Variants in FRAS1 observed in about 807,000 individuals in gnomAD.
The protein encoded by FRAS1 is Fraser extracellular matrix complex subunit 1.
FRAS1 carries 290 observed loss-of-function variants against 435.2 expected under a neutral mutation model. The ratio of observed to expected loss-of-function variants is 0.67; its 90% CI spans 0.61 to 0.73. The LOEUF is 0.73. FRAS1 is among the 30% of genes least tolerant of loss of function. FRAS1 has a pLI of 0.00. For missense variants in FRAS1, 4,860 were observed against 5,001.5 expected (o/e 0.97, Z 0.85); for synonymous variants, 1,800 against 1,851.0 (o/e 0.97, Z 0.71).
intron 61 of FRAS1, among the ~76,000 whole-genome samples, chr4:78,505,965 G>A (rs185901068): frequency 1.8e-3 from 275 of 152,300 alleles, no homozygotes; most frequent in African/African-American, 6.5e-3. Flanking sequence ...CTGTTTGTTA[G>A]TTTTCCTTCT....
At chr4:78,118,228 C>T (rs1402205266) in intron 2 of FRAS1, among the ~76,000 whole-genome samples, 2 of 152,214 alleles carry the variant, frequency 1.3e-5, no homozygotes, top group African/African-American at 2.4e-5. Context: ...TGTGAGGTGT[C>T]AGTCTGCCCC....
intron 2 of FRAS1, among the ~76,000 whole-genome samples, chr4:78,093,971 C>A (rs72860603): frequency 1.2e-4 from 18 of 152,054 alleles, no homozygotes; most frequent in Admixed American, 5.2e-4. Flanking sequence ...GCTCACCCCC[C>A]TCCCCTTCCC....
rs546764418 is a variant in FRAS1, at chr4:78,413,056, G to C, written c.4396G>C (p.Val1466Leu). The change falls in exon 32 of 74, where the codon GTG becomes CTG. Residue 1466 changes from valine (V) to leucine (L), a missense_variant. Val to Leu is a conservative substitution (Grantham distance 32, BLOSUM62 1). Transcript: ENST00000512123. ...ACCACAGACACCTGAAGCACCTAAA[G>C]TGTCTCTGGAAGCATCTCTCCATAT... ...ILPQTPEAPK[V>L]SLEASLHMTA... 12 of 1,610,652 alleles carry C rather than the reference G, an allele frequency of 7.5e-6. No individual in the cohort carries two copies. The highest frequency in any genetic ancestry group is 1.7e-5 in the Admixed American group (1 of 59,688).
At chr4:78,170,360 A>C (rs1721501987) in intron 2 of FRAS1, among the ~76,000 whole-genome samples, 1 of 152,176 alleles carries the variant, frequency 6.6e-6, no homozygotes, top group Non-Finnish European at 1.5e-5. Context: ...AAGGTTAGCC[A>C]ACAACCGGTA....
chr4:78,191,109 T>G (rs551075278), intron 2 of FRAS1, among the ~76,000 whole-genome samples: 1 of 152,342 alleles, frequency 6.6e-6, no homozygotes, highest in Non-Finnish European at 1.5e-5. Flanking sequence ...AGCTTGCTCT[T>G]GGACTTTTCA....
chr4:78,525,774 G>A (rs980352775), intron 69 of FRAS1, among the ~76,000 whole-genome samples: 3 of 152,174 alleles, frequency 2.0e-5, no homozygotes, highest in Non-Finnish European at 4.4e-5. Context: ...TGACAGGGTT[G>A]GAGCTGCCAC....
intron 2 of FRAS1, among the ~76,000 whole-genome samples, chr4:78,104,396 G>T (rs553498975): frequency 6.6e-6 from 1 of 152,292 alleles, no homozygotes; most frequent in South Asian, 2.1e-4. Context: ...GCAGATGGGT[G>T]GGGAAGAGGG....
intron 2 of FRAS1, among the ~76,000 whole-genome samples, chr4:78,120,677 A>G (rs1027967171): frequency 1.6e-4 from 24 of 152,130 alleles, no homozygotes; most frequent in African/African-American, 5.3e-4. Flanking sequence ...GATTATTTCA[A>G]TGAAGGATTA....
At chr4:78,446,254 C>T in intron 42 of FRAS1, 1 of 1,004,750 alleles carries the variant, frequency 1.0e-6, no homozygotes, top group Non-Finnish European at 1.2e-6. Flanking sequence ...ACCCTCTGCA[C>T]TCTTAAGGGT....
intron 67 of FRAS1, among the ~76,000 whole-genome samples, chr4:78,520,052 C>T (rs919515910): frequency 1.3e-5 from 2 of 152,086 alleles, no homozygotes; most frequent in African/African-American, 2.4e-5. Context: ...TTACTGTCCT[C>T]TTTGGGAGGA....
chr4:78,068,914 T>C (rs1740193709), intron 2 of FRAS1, among the ~76,000 whole-genome samples: 1 of 144,048 alleles, frequency 6.9e-6, no homozygotes, highest in Non-Finnish European at 1.5e-5. Context: ...CCACATGCCC[T>C]AGCGTTAAAG....
rs1382599271 is a variant in FRAS1, at chr4:78,412,836, G to A, written c.4309-133G>A. 4 of 441,680 alleles carry A rather than the reference G, an allele frequency of 9.1e-6. No individual in the cohort carries two copies. The Admixed American group carries it at 1.3e-4, about 14-fold the overall frequency. The allele number at this position is 441,680 out of a possible 1,614,324, so 27.4% of individuals were successfully genotyped here. On this transcript the variant is annotated intron_variant, in intron 31 of 73. Transcript: ENST00000512123. ...AAAAGATCAATATTAAAATATGAAG[G>A]GCAGAATGAGAGTTGTAACGCAGGA...
chr4:78,233,932 T>C (rs1316599263), intron 2 of FRAS1, among the ~76,000 whole-genome samples: 1 of 152,172 alleles, frequency 6.6e-6, no homozygotes, highest in Non-Finnish European at 1.5e-5. Context: ...TGTAAGGGCT[T>C]TGTGTAGCAT....
At chr4:78,185,002 G>A (rs1018572987) in intron 2 of FRAS1, among the ~76,000 whole-genome samples, 2 of 152,174 alleles carry the variant, frequency 1.3e-5, no homozygotes, top group African/African-American at 4.8e-5. Context: ...GCAAACAGAT[G>A]TCATAGGCCT....
chr4:78,507,569 G>A lies in FRAS1; in HGVS notation c.9465G>A (p.Gln3155=). 6.2e-7 allele frequency: 1 copy of A among 1,606,266 alleles called. No homozygotes were observed. Among genetic ancestry groups the A allele is most frequent in the Non-Finnish European group, 8.5e-7 (1 of 1,177,272 alleles). ...VTTATVTILD[Q]EAAGSLILPA... is the part of the protein sequence containing the mutation. ...CTGCCACGGTGACAATTCTAGACCA[G>A]GAGGCAGCAGGGAGCCTCATATTGC... Residue 3155 remains glutamine (Q), a synonymous_variant, in exon 62 of 74, where the codon CAG becomes CAA. Transcript: ENST00000512123.
At position 78,537,179 on chromosome 4, in the gene FRAS1, A is replaced by G. The variant is rs1721911748; in HGVS notation, c.11277A>G (p.Leu3759=). The G allele has an allele frequency of 1.9e-6, 3 of 1,613,858 alleles. No individual in the cohort carries two copies. Among genetic ancestry groups the G allele is most frequent in the African/African-American group, 1.3e-5 (1 of 74,950 alleles). The change falls in exon 72 of 74, where the codon CTA becomes CTG. Residue 3759 remains leucine (L), a synonymous_variant. Coordinates refer to ENST00000512123, the MANE Select transcript of FRAS1 (RefSeq NM_025074.7). ...QYGCIQPNKH[L]KHRFLLLDRN... Reference sequence around the variant, plus strand: ...GATGCATTCAGCCAAACAAACACCTAAAACACAGATTCCTGCTGTTGGTAT... The same window carrying G: ...GATGCATTCAGCCAAACAAACACCTGAAACACAGATTCCTGCTGTTGGTAT...
chr4:78,450,075 G>C, intron 44 of FRAS1, 76 bp from the exon 45 acceptor site: 1 of 1,159,522 alleles, frequency 8.6e-7, no homozygotes. Context: ...TTAGCCTCCA[G>C]TCTCCTAAAA....
At chr4:78,512,804 A>G (rs11939289) in intron 64 of FRAS1, among the ~76,000 whole-genome samples, 21,980 of 152,254 alleles carry the variant, frequency 0.14, 1,910 homozygotes, top group Non-Finnish European at 0.21. Flanking sequence ...GGGGCTGGAC[A>G]CGTAGTGCTG....
intron 19 of FRAS1, among the ~76,000 whole-genome samples, chr4:78,336,349 C>A (rs1036002881): frequency 6.6e-6 from 1 of 152,114 alleles, no homozygotes; most frequent in African/African-American, 2.4e-5. Flanking sequence ...CATCCTAGCC[C>A]AGCTGGTTTT....
Sources: gnomAD v4.1 joint callset for allele counts (sites outside exome capture counted in the v4.1 genomes callset) on GRCh38, gnomAD v4.1.1 for gene constraint, MANE v1.5 for transcripts, NCBI Gene and HGNC (gene_info 2026-07-23, HGNC 2026-07-21) for gene names.